The following DZANK1 variants were observed in gnomAD, a reference collection of about 807,000 sequenced individuals.
DZANK1 encodes double zinc ribbon and ankyrin repeat-containing protein 1.
In DZANK1, 91 loss-of-function variants were observed where a neutral mutation model predicts 94.5. The observed-to-expected ratio is 0.96, with a 90% CI of 0.81 to 1.15. DZANK1 has a LOEUF of 1.15. DZANK1 is among the 50% of genes most tolerant of loss of function. The pLI, the probability that DZANK1 is intolerant of heterozygous loss-of-function variation, is 0.00. For synonymous variants in DZANK1, 312 were observed against 325.3 expected (o/e 0.96, Z 0.44); for missense variants, 903 against 916.4 (o/e 0.99, Z 0.19).
At chr20:18,426,641 G>A (rs1254503851) in intron 10 of DZANK1, among the ~76,000 whole-genome samples, 5 of 152,142 alleles carry the variant, frequency 3.3e-5, no homozygotes, top group Admixed American at 6.5e-5. Flanking sequence ...AGGCTGGCAG[G>A]AAACCCAAGA....
intron 8 of DZANK1, among the ~76,000 whole-genome samples, chr20:18,435,019 T>C (rs1336024178): frequency 1.3e-5 from 2 of 152,204 alleles, no homozygotes; most frequent in African/African-American, 4.8e-5. Context: ...CAGGAGGCTA[T>C]GCACATAAGC....
intron 6 of DZANK1, among the ~76,000 whole-genome samples, chr20:18,451,211 T>G (rs978198295): frequency 6.6e-6 from 1 of 152,242 alleles, no homozygotes; most frequent in African/African-American, 2.4e-5. Flanking sequence ...CCCAGTGTGT[T>G]GGGATTACAG....
At chr20:18,457,147 T>C (rs1187243885) in intron 3 of DZANK1, among the ~76,000 whole-genome samples, 1 of 152,198 alleles carries the variant, frequency 6.6e-6, no homozygotes, top group Non-Finnish European at 1.5e-5. Flanking sequence ...TATCAAGATA[T>C]AGGCTTGGTC....
intron 6 of DZANK1, among the ~76,000 whole-genome samples, chr20:18,451,350 T>C (rs562362401): frequency 6.6e-6 from 1 of 152,344 alleles, no homozygotes; most frequent in Non-Finnish European, 1.5e-5. Flanking sequence ...ACATATGACA[T>C]AGATGATCTT....
intron 17 of DZANK1, 70 bp from the exon 18 acceptor site, chr20:18,390,529 C>A: frequency 1.4e-6 from 2 of 1,449,266 alleles, no homozygotes; most frequent in Non-Finnish European, 1.9e-6. Flanking sequence ...ACTTTCTTTC[C>A]AACATTGAAT....
Position 18,440,511 on chromosome 20 carries a change from TTGTG to T in DZANK1, c.747+2832_747+2835del, listed in dbSNP as rs369464922. Among the ~76,000 whole-genome samples, 15 of 152,262 alleles carry T rather than the reference TTGTG, an allele frequency of 9.9e-5. 1 individual carries two copies. In the East Asian group the frequency reaches 2.9e-3, roughly 29 times the overall value. On this transcript the variant is annotated intron_variant, in intron 8 of 20. Coordinates refer to ENST00000262547, the Ensembl canonical transcript of DZANK1. The stretch of plus-strand genomic sequence containing the variant: ...TATATTAGTAAAATCTTCCTCTTCT[TTGTG>T]TGTGTAAGTTATTTCCTCCTGGATC...
chr20:18,435,764 A>T (rs891996724), intron 8 of DZANK1, among the ~76,000 whole-genome samples: 5 of 139,284 alleles, frequency 3.6e-5, no homozygotes, highest in South Asian at 2.2e-4. Context: ...AAGTATAATT[A>T]AAAAAAAAAA....
In DZANK1 at chr20:18,436,443, CA is replaced by C. The variant is rs767717764; in HGVS notation, c.748-2679del. Among the ~76,000 whole-genome samples, 50 of 103,632 alleles carry C rather than the reference CA, an allele frequency of 4.8e-4. No individual in the cohort carries two copies. In the East Asian group the frequency reaches 5.1e-3, roughly 11 times the overall value. The allele number at this position is 103,632 out of a possible 152,430, so 68.0% of individuals were successfully genotyped here. A position where few individuals can be genotyped will look rare whatever the true frequency, so the allele number is the denominator to read the frequency against. On this transcript the variant is annotated intron_variant, in intron 8 of 20. Coordinates refer to ENST00000262547, the Ensembl canonical transcript of DZANK1. ...TGGGGGACAGAGCGAGACTCCATCT[CA>C]AAAAAAAAAAAAAAAAATCACCAGA...
At chr20:18,433,220 TTTTGTTCATGTA>T (rs1476356865) in intron 9 of DZANK1, 1 of 176,390 alleles carries the variant, frequency 5.7e-6, no homozygotes, top group East Asian at 1.7e-4. Context: ...ATAGAATGGA[TTTTGTTCATGTA>T]TATTAGCTTA....
At chr20:18,435,788 G>C (rs555912616) in intron 8 of DZANK1, among the ~76,000 whole-genome samples, 1 of 150,966 alleles carries the variant, frequency 6.6e-6, no homozygotes, top group African/African-American at 2.4e-5. Flanking sequence ...CTGCTTCTCT[G>C]TCTATGGAGT....
intron 10 of DZANK1, 25 bp downstream of exon 10, chr20:18,427,042 G>C (rs764140748): frequency 6.5e-7 from 1 of 1,538,468 alleles, no homozygotes; most frequent in Admixed American, 1.7e-5. Flanking sequence ...ACTAAATATA[G>C]GATTGGCACA....
intron 8 of DZANK1, among the ~76,000 whole-genome samples, chr20:18,434,642 A>G (rs1335629705): frequency 1.3e-5 from 2 of 152,132 alleles, no homozygotes; most frequent in African/African-American, 4.8e-5. Flanking sequence ...GGCAGATAAC[A>G]AACAGAAGTT....
At chr20:18,418,009 C>A (rs558144791) in intron 10 of DZANK1, among the ~76,000 whole-genome samples, 1 of 151,970 alleles carries the variant, frequency 6.6e-6, no homozygotes, top group South Asian at 2.1e-4. Flanking sequence ...TCACTTGAAC[C>A]CAGGAGGCAG....
chr20:18,450,020 G>A (rs560502646), intron 6 of DZANK1, among the ~76,000 whole-genome samples: 6 of 152,016 alleles, frequency 3.9e-5, no homozygotes, highest in Non-Finnish European at 5.9e-5. Context: ...AGAGGTTGTG[G>A]TGAGCCAAGA....
chr20:18,427,745 T>C (rs920264024), intron 9 of DZANK1, among the ~76,000 whole-genome samples: 1 of 152,140 alleles, frequency 6.6e-6, no homozygotes, highest in South Asian at 2.1e-4. Flanking sequence ...TGTTTACAAG[T>C]AATCTGGTTC....
At chr20:18,412,682 G>A in exon 13 of DZANK1, 1 of 1,613,190 alleles carries the variant, frequency 6.2e-7, no homozygotes, top group Non-Finnish European at 8.5e-7. Flanking sequence ...AGGGGTTTAT[G>A]GTCACTCATT....
intron 19 of DZANK1, 59 bp from the exon 20 acceptor site, chr20:18,385,149 G>A (rs1332207808): frequency 7.3e-6 from 11 of 1,511,092 alleles, no homozygotes; most frequent in Non-Finnish European, 9.9e-6. Flanking sequence ...GGAAACTGGA[G>A]AGGATGCATG....
At position 18,386,026 on chromosome 20, in the gene DZANK1, TG is replaced by T. The variant is rs1420852327; in HGVS notation, c.2019-937del. ...AGTGAAGGAGGGCAGGAGTCATGAC[TG>T]GAAGTAGAAATGAATAGGCATTGAC... On this transcript the variant is annotated intron_variant, in intron 19 of 20. Transcript: ENST00000262547. Among the ~76,000 whole-genome samples the T allele has an allele frequency of 2.0e-5, 3 of 151,810 alleles. No homozygotes were observed. In the East Asian group the frequency reaches 5.8e-4, roughly 29 times the overall value.
At chr20:18,455,150 A>T in intron 4 of DZANK1, 97 bp downstream of exon 4, 1 of 817,210 alleles carries the variant, frequency 1.2e-6, no homozygotes, top group Non-Finnish European at 2.0e-6. Context: ...CCTGACTGTG[A>T]GCAGAGGTAA....
Sources: allele counts gnomAD v4.1 joint callset (sites outside exome capture counted in the v4.1 genomes callset), GRCh38; gene constraint gnomAD v4.1.1; transcripts MANE v1.5; gene names NCBI Gene and HGNC (gene_info 2026-07-23, HGNC 2026-07-21).